KIRREL2: variants seen among roughly 807,000 people sequenced by gnomAD.
KIRREL2 encodes kin of IRRE-like protein 2.
Under a neutral mutation model 73.4 loss-of-function variants are expected in KIRREL2, and 56 were observed. That is an observed-to-expected ratio of 0.76 (90% confidence interval 0.62 to 0.95). The LOEUF (loss-of-function observed/expected upper bound fraction) is 0.95. Ranked by LOEUF, KIRREL2 falls within the 40% of genes least tolerant of loss-of-function variation. KIRREL2 has a pLI of 0.00. For missense variants in KIRREL2, 896 were observed against 935.0 expected, an observed-to-expected ratio of 0.96 and a Z score of 0.54; for synonymous variants, 407 against 404.0, an observed-to-expected ratio of 1.01 and a Z score of -0.09.
At chr19:35,858,309 T>C (rs1973516493) in intron 2 of KIRREL2, 99 bp from the exon 3 acceptor site, 4 of 1,400,920 alleles carry the variant, frequency 2.9e-6, no homozygotes, top group Non-Finnish European at 3.9e-6. Context: ...TACCACCAAA[T>C]GTGTGGGCCA....
chr19:35,851,917 T>A, upstream of KIRREL2: 1 of 1,201,336 alleles, frequency 8.3e-7, no homozygotes, highest in Non-Finnish European at 1.2e-6. Context: ...GGTCCCTCTC[T>A]GTGTGTCTCT....
In KIRREL2 at chr19:35,861,644, A is replaced by G. The variant is rs373513930; in HGVS notation, c.1290+3A>G. The G allele has an allele frequency of 4.5e-5, 73 of 1,612,460 alleles. No homozygotes were observed. The highest frequency in any genetic ancestry group is 3.5e-4 in the Admixed American group (21 of 59,614). The stretch of plus-strand genomic sequence containing the variant: ...CCTCTCCCGCCCCAGATGCCGTGGT[A>G]AGGAAATGTCACTCCTCCCGTGACC... On this transcript the variant is annotated splice_donor_region_variant and intron_variant, in intron 10 of 14. Coordinates refer to ENST00000360202, the MANE Select transcript of KIRREL2 (RefSeq NM_199180.4).
Position 35,861,220 on chromosome 19 carries a change from G to C in KIRREL2, c.1155G>C (p.Arg385=), listed in dbSNP as rs1348896699. The change falls in exon 9 of 15, where the codon CGG becomes CGC. Residue 385 remains arginine (R), a synonymous_variant. Transcript: ENST00000360202. ...CTGAGGCTGGGCTATCGGGCCTGCGGGGCGGCGCCGCGGAGGCTCGGCTGA... is the reference window on the plus strand; with the variant it reads ...CTGAGGCTGGGCTATCGGGCCTGCGCGGCGGCGCCGCGGAGGCTCGGCTGA... ...CRAEAGLSGL[R]GGAAEARLTV... The C allele has an allele frequency of 2.6e-6, 4 of 1,538,252 alleles. No homozygotes were observed. Among genetic ancestry groups the C allele is most frequent in the Non-Finnish European group, 2.6e-6 (3 of 1,151,292 alleles).
rs376544628 is a variant in KIRREL2, at chr19:35,859,578, G to A, written c.620G>A (p.Arg207Gln). The change falls in exon 5 of 15, where the codon CGG becomes CAG. Residue 207 changes from arginine to glutamine, a missense_variant. By Grantham distance (43) the Arg-to-Gln change is conservative. Transcript: ENST00000360202. ...GGAGCCACCTTTGTCTGCCGGGCCC[G>A]GAGCCAGGCCCTGCCCACAGGAAGA... The part of the protein sequence containing the change: ...DDGATFVCRA[R>Q]SQALPTGRDT... 42 of 1,613,984 alleles carry A rather than the reference G, an allele frequency of 2.6e-5. No homozygotes were observed. The highest frequency in any genetic ancestry group is 1.6e-4 in the Middle Eastern group (1 of 6,072).
rs557748369 is a variant in KIRREL2, at chr19:35,857,074, C to T, written c.-46C>T. On this transcript the variant is annotated 5_prime_UTR_variant, in exon 1 of 15. It adds an upstream start codon to the 5' untranslated region. Coordinates refer to ENST00000360202, the MANE Select transcript of KIRREL2 (RefSeq NM_199180.4). Reference sequence around the variant, plus strand: ...GGCGTGCTTGAGAGGAAGAAGTTGACGGGAAGGCCAGTGCGACGGCAAATC... The same window carrying T: ...GGCGTGCTTGAGAGGAAGAAGTTGATGGGAAGGCCAGTGCGACGGCAAATC... 8.7e-6 allele frequency: 14 copies of T among 1,603,706 alleles called. No homozygotes were observed. In the South Asian group the frequency reaches 1.2e-4, roughly 14 times the overall value.
Position 35,861,866 on chromosome 19 carries a change from C to G in KIRREL2, c.1352C>G (p.Thr451Arg). Residue 451 changes from threonine (T) to arginine (R), a missense_variant, in exon 11 of 15, where the codon ACA becomes AGA. Physicochemically the swap from Thr to Arg is moderately conservative, Grantham distance 71 (BLOSUM62 -1). Coordinates refer to ENST00000360202, the MANE Select transcript of KIRREL2 (RefSeq NM_199180.4). ...TCGCAGGGCCGGTTCCTGGTGGAGA[C>G]ATTCCCTGCCCCAGAGAGCCGCGGG... is the stretch of plus-strand genomic sequence containing the variant. ...AGSQGRFLVETFPAPESRGGL... is the reference protein window; with the variant it reads ...AGSQGRFLVERFPAPESRGGL... 6.3e-7 allele frequency: 1 copy of G among 1,592,324 alleles called. No homozygotes were observed.
At chr19:35,851,977 C>T (rs79692855), upstream of KIRREL2, 914 of 727,560 alleles carry the variant, frequency 1.3e-3, 6 homozygotes, top group African/African-American at 0.015. Flanking sequence ...CTCCCTTTCT[C>T]GTTTTCCTCT....
intron 6 of KIRREL2, 47 bp downstream of exon 6, chr19:35,860,449 G>A (rs1973614836): frequency 3.1e-6 from 5 of 1,606,426 alleles, no homozygotes; most frequent in Non-Finnish European, 3.4e-6. Flanking sequence ...GTGAGCTTGG[G>A]AAGGGCTGGG....
chr19:35,854,408 G>A (rs564900099), upstream of KIRREL2, among the ~76,000 whole-genome samples: 1 of 146,000 alleles, frequency 6.8e-6, no homozygotes, highest in South Asian at 2.2e-4. Context: ...TGCAACCTCT[G>A]CCTCCCGGGT....
chr19:35,855,656 TACAC>T (rs57458964), upstream of KIRREL2, among the ~76,000 whole-genome samples: 9,511 of 84,746 alleles, frequency 0.11, 414 homozygotes, highest in Middle Eastern at 0.23. Context: ...CACCTCCCCA[TACAC>T]ACACACACAC....
Position 35,866,779 on chromosome 19 carries a change from G to T in KIRREL2, c.*287G>T. The T allele has an allele frequency of 1.9e-6, 1 of 529,872 alleles. No homozygotes were observed. Among genetic ancestry groups the T allele is most frequent in the South Asian group, 2.7e-5 (1 of 37,424 alleles). The allele number at this position is 529,872 out of a possible 1,614,324, so 32.8% of individuals were successfully genotyped here. On this transcript the variant is annotated 3_prime_UTR_variant, in exon 15 of 15. Coordinates refer to ENST00000360202, the MANE Select transcript of KIRREL2 (RefSeq NM_199180.4). ...GAGGAGAGATGGGGACAGGGCAGTG[G>T]GTGTTGGGAGTTTGGGGCCGGGATG...
At chr19:35,861,366 G>C in intron 9 of KIRREL2, 112 bp downstream of exon 9, 1 of 1,489,866 alleles carries the variant, frequency 6.7e-7, no homozygotes, top group Non-Finnish European at 9.0e-7. Flanking sequence ...TACACCCAGC[G>C]GGGGCTGGAG....
chr19:35,861,524 T>G lies in KIRREL2; in HGVS notation c.1190-17T>G, dbSNP rs1040769110. On this transcript the variant is annotated splice_polypyrimidine_tract_variant and intron_variant, in intron 9 of 14. Transcript: ENST00000360202. The stretch of plus-strand genomic sequence containing the variant: ...GGCAAGACCTCTCCTCTGAGTGACC[T>G]ACAGTCTCCATCCCAGCTCCCCCAG... 4.3e-6 allele frequency: 7 copies of G among 1,612,540 alleles called. No individual in the cohort carries two copies. In the African/African-American group the frequency reaches 6.7e-5, roughly 15 times the overall value.
chr19:35,859,906 G>A (rs960432820), intron 5 of KIRREL2, among the ~76,000 whole-genome samples: 3 of 152,198 alleles, frequency 2.0e-5, no homozygotes, highest in Non-Finnish European at 4.4e-5. Context: ...TTTGCCGGGC[G>A]TGGTAGCACA....
chr19:35,859,443 T>G, intron 4 of KIRREL2, 38 bp from the exon 5 acceptor site: 1 of 1,597,700 alleles, frequency 6.3e-7, no homozygotes, highest in African/African-American at 1.3e-5. Context: ...ACACCCCTGA[T>G]GGGTAGATGG....
upstream of KIRREL2, among the ~76,000 whole-genome samples, chr19:35,856,181 G>T (rs1207405603): frequency 6.6e-6 from 1 of 152,200 alleles, no homozygotes; most frequent in African/African-American, 2.4e-5. The surrounding 1 kb of genome is among the most constrained non-coding windows in gnomAD (Gnocchi z 5.9). Context: ...CAGCTGGGCT[G>T]CATGGAGCCG....
chr19:35,866,239 T>C lies in KIRREL2; in HGVS notation c.1874T>C (p.Leu625Pro), dbSNP rs1489427227. 6.2e-7 allele frequency: 1 copy of C among 1,610,652 alleles called. No individual in the cohort carries two copies. Among genetic ancestry groups the C allele is most frequent in the Admixed American group, 1.7e-5 (1 of 59,928 alleles). Residue 625 changes from leucine to proline, a missense_variant, in exon 15 of 15, where the codon CTG (leucine) becomes CCG (proline). By Grantham distance (98) the Leu-to-Pro change is moderately conservative. Coordinates refer to ENST00000360202, the MANE Select transcript of KIRREL2 (RefSeq NM_199180.4). ...LGEAPGGGLF[L>P]PPPSPLGPPG... Reference sequence around the variant, plus strand: ...GAAGCCCCTGGAGGAGGTCTCTTCCTGCCACCACCCTCCCCCCTTGGGCCC... The same window carrying C: ...GAAGCCCCTGGAGGAGGTCTCTTCCCGCCACCACCCTCCCCCCTTGGGCCC...
rs758152893 is a variant in KIRREL2 at position 35,866,312 on chromosome 19, C to A, written c.1947C>A (p.Val649=). 1.9e-6 allele frequency: 3 copies of A among 1,605,210 alleles called. No individual in the cohort carries two copies. The highest frequency in any genetic ancestry group is 1.7e-6 in the Non-Finnish European group (2 of 1,173,388). ...FYDFNPHLGM[V]PPCRLYRARA... ...ACTTCAACCCACACCTGGGCATGGTCCCCCCCTGCAGACTTTACAGAGCCA... is the reference window on the plus strand; with the variant it reads ...ACTTCAACCCACACCTGGGCATGGTACCCCCCTGCAGACTTTACAGAGCCA... Residue 649 remains valine (V), a synonymous_variant, in exon 15 of 15, where the codon GTC becomes GTA. Coordinates refer to ENST00000360202, the MANE Select transcript of KIRREL2 (RefSeq NM_199180.4).
At chr19:35,862,136 C>G (rs1973723464) in intron 11 of KIRREL2, 112 bp downstream of exon 11, 2 of 885,100 alleles carry the variant, frequency 2.3e-6, no homozygotes, top group African/African-American at 1.7e-5. Context: ...GAGGAGACCT[C>G]CAAACCTCGG....
Sources: gnomAD v4.1 joint callset for allele counts (sites outside exome capture counted in the v4.1 genomes callset) on GRCh38, gnomAD v4.1.1 for gene constraint, Gnocchi (gnomAD v3.1) non-coding constraint, MANE v1.5 for transcripts, NCBI Gene and HGNC (gene_info 2026-07-23, HGNC 2026-07-21) for gene names.